The following FIGNL2 variants were observed in gnomAD, a reference collection of about 807,000 sequenced individuals.
FIGNL2 encodes fidgetin like 2.
For synonymous variants in FIGNL2, 565 were observed against 484.0 expected, an observed-to-expected ratio of 1.17 and a Z score of -2.20; for missense variants, 1,060 against 950.2, an observed-to-expected ratio of 1.12 and a Z score of -1.52.
chr12:51,834,412 C>A (rs1448022556), intron 1 of FIGNL2, among the ~76,000 whole-genome samples: 1 of 152,176 alleles, frequency 6.6e-6, no homozygotes, highest in Non-Finnish European at 1.5e-5. Flanking sequence ...TTACCCCCCA[C>A]CCCATTGGGC....
chr12:51,832,722 A>C (rs1419596329), intron 1 of FIGNL2, among the ~76,000 whole-genome samples: 1 of 152,060 alleles, frequency 6.6e-6, no homozygotes, highest in Non-Finnish European at 1.5e-5. Flanking sequence ...TGTTTCCCAA[A>C]CATAGTTCTC....
intron 1 of FIGNL2, chr12:51,847,762 C>T (rs980244598): frequency 4.6e-5 from 45 of 985,268 alleles, no homozygotes; most frequent in East Asian, 2.3e-4. Context: ...CCCTCTGCAG[C>T]GGCGGGGGGG....
chr12:51,820,104 C>T lies in FIGNL2; in HGVS notation c.*348G>A, dbSNP rs1939134161. The T allele has an allele frequency of 6.6e-6, 2 of 304,780 alleles. No homozygotes were observed. The highest frequency in any genetic ancestry group is 1.2e-5 in the Non-Finnish European group (2 of 163,156). The allele number at this position is 304,780 out of a possible 1,614,324, so 18.9% of individuals were successfully genotyped here. On this transcript the variant is annotated 3_prime_UTR_variant, in exon 2 of 2. Coordinates refer to ENST00000618634, the MANE Select transcript of FIGNL2 (RefSeq NM_001384995.1). ...GAGAGAGTGAGGGAGAAGGAGGGTGCCATTCAGATAGCGAGGAGACAAAAG... is the reference window on the plus strand; with the variant it reads ...GAGAGAGTGAGGGAGAAGGAGGGTGTCATTCAGATAGCGAGGAGACAAAAG...
chr12:51,842,627 C>T (rs986781617), intron 1 of FIGNL2, among the ~76,000 whole-genome samples: 1 of 152,112 alleles, frequency 6.6e-6, no homozygotes, highest in African/African-American at 2.4e-5. Context: ...GCCCTTGTCT[C>T]ACTTTGCTTC....
In FIGNL2 at chr12:51,820,845, G is replaced by A. The variant is rs746110401; in HGVS notation, c.1569C>T (p.Gly523=). 1.4e-6 allele frequency: 2 copies of A among 1,456,160 alleles called. No individual in the cohort carries two copies. Among genetic ancestry groups the A allele is most frequent in the South Asian group, 1.3e-5 (1 of 75,624 alleles). 90.2% of individuals were successfully genotyped at this position (1,456,160 alleles called of 1,614,324 possible). ...CAACCAGCACGCCGTCAGCCCCCGC[G>A]CCGCAGCCCCCGTCCAGGCAGGCCA... ...PLLACLDGGC[G]AGADGVLVVG... The change falls in exon 2 of 2, where the codon GGC becomes GGT. Residue 523 remains glycine, a synonymous_variant. Transcript: ENST00000618634.
intron 1 of FIGNL2, 160 bp downstream of exon 1, chr12:51,848,380 G>T: frequency 3.1e-6 from 3 of 981,120 alleles, no homozygotes; most frequent in Non-Finnish European, 3.6e-6. Context: ...AGGGTCTCTC[G>T]CCGGCCCTGC....
At chr12:51,835,264 C>T (rs1394040974) in intron 1 of FIGNL2, 1 of 150,738 alleles carries the variant, frequency 6.6e-6, no homozygotes, top group Non-Finnish European at 1.5e-5. Flanking sequence ...CCACTTCTTT[C>T]CCACTGTGAC....
chr12:51,822,142 C>T lies in FIGNL2; in HGVS notation c.272G>A (p.Gly91Asp). The change falls in exon 2 of 2, where the codon GGC (glycine) becomes GAC (aspartate). Residue 91 changes from glycine to aspartate, a missense_variant. Transcript: ENST00000618634. Reference protein sequence around the residue: ...GGYSDASFLNGAKGDPEPWPG... With the variant: ...GGYSDASFLNDAKGDPEPWPG... Reference sequence around the variant, plus strand: ...CCAGGGCTCGGGATCCCCTTTGGCGCCGTTGAGGAAGGAGGCGTCGCTGTA... The same window carrying T: ...CCAGGGCTCGGGATCCCCTTTGGCGTCGTTGAGGAAGGAGGCGTCGCTGTA... 6.2e-7 allele frequency: 1 copy of T among 1,611,244 alleles called. No individual in the cohort carries two copies. Among genetic ancestry groups the T allele is most frequent in the Non-Finnish European group, 8.5e-7 (1 of 1,178,922 alleles).
At chr12:51,833,402 C>T (rs1939508216) in intron 1 of FIGNL2, among the ~76,000 whole-genome samples, 1 of 152,170 alleles carries the variant, frequency 6.6e-6, no homozygotes, top group Non-Finnish European at 1.5e-5. Flanking sequence ...CTTTTCTTAA[C>T]ACAGTTGCCA....
chr12:51,821,728 G>T lies in FIGNL2; in HGVS notation c.686C>A (p.Pro229His). ...CGCGGGCAGGCCCGGGGTCAGGTAGGGGGCCGGGGGTGGGCCTGGGGGCGG... is the reference window on the plus strand; with the variant it reads ...CGCGGGCAGGCCCGGGGTCAGGTAGTGGGCCGGGGGTGGGCCTGGGGGCGG... ...LPPPPGPPPA[P>H]YLTPGLPAPT... Residue 229 changes from proline to histidine, a missense_variant, in exon 2 of 2, where the codon CCC becomes CAC. By Grantham distance (77) the Pro-to-His change is moderately conservative (BLOSUM62 -2). Transcript: ENST00000618634. 1 of 1,310,276 alleles carries T rather than the reference G, an allele frequency of 7.6e-7. No individual in the cohort carries two copies. The highest frequency in any genetic ancestry group is 9.6e-7 in the Non-Finnish European group (1 of 1,037,142). 81.2% of individuals were successfully genotyped at this position (1,310,276 alleles called of 1,614,324 possible).
intron 1 of FIGNL2, among the ~76,000 whole-genome samples, chr12:51,842,319 C>T (rs1431153397): frequency 6.6e-6 from 1 of 152,164 alleles, no homozygotes; most frequent in Non-Finnish European, 1.5e-5. Flanking sequence ...GGAGTGAGGA[C>T]CCAGCCACTG....
In FIGNL2 at chr12:51,819,368, C is replaced by G. The variant is rs1592182470; in HGVS notation, c.*1084G>C. Reference sequence around the variant, plus strand: ...GCCTCCCTTCTCTCAAACCCCACAGCCCACTCCCCACATTCATGCCTAGGC... The same window carrying G: ...GCCTCCCTTCTCTCAAACCCCACAGGCCACTCCCCACATTCATGCCTAGGC... On this transcript the variant is annotated 3_prime_UTR_variant, in exon 2 of 2. Transcript: ENST00000618634. The G allele has an allele frequency of 6.5e-6, 1 of 152,672 alleles. No individual in the cohort carries two copies. The highest frequency in any genetic ancestry group is 2.4e-5 in the African/African-American group (1 of 41,438). The allele number at this position is 152,672 out of a possible 1,614,324, so 9.5% of individuals were successfully genotyped here.
intron 1 of FIGNL2, among the ~76,000 whole-genome samples, chr12:51,837,491 T>C (rs1237875313): frequency 1.3e-5 from 2 of 152,174 alleles, no homozygotes; most frequent in African/African-American, 4.8e-5. Flanking sequence ...GCAGCCATCT[T>C]TGTCCACCCT....
In FIGNL2 at chr12:51,821,293, G is replaced by A; in HGVS notation, c.1121C>T (p.Ala374Val). 6.6e-7 allele frequency: 1 copy of A among 1,524,072 alleles called. No individual in the cohort carries two copies. The highest frequency in any genetic ancestry group is 8.8e-7 in the Non-Finnish European group (1 of 1,141,390). 94.4% of individuals were successfully genotyped at this position (1,524,072 alleles called of 1,614,324 possible). A position where few individuals can be genotyped will look rare whatever the true frequency, so the allele number is the denominator to read the frequency against. The change falls in exon 2 of 2, where the codon GCC (alanine) becomes GTC (valine). Residue 374 changes from alanine to valine, a missense_variant. Physicochemically the swap from Ala to Val is moderately conservative, Grantham distance 64. Transcript: ENST00000618634. ...CATCTTGCTCGTCACCAGCTCCAGG[G>A]CCCCAGGGTCCACGCCTTTGGGAGT... ...GETPKGVDPG[A>V]LELVTSKMVD... is the part of the protein sequence containing the mutation.
chr12:51,828,500 C>T (rs959800468), intron 1 of FIGNL2: 2 of 152,206 alleles, frequency 1.3e-5, no homozygotes, highest in Non-Finnish European at 2.9e-5. Flanking sequence ...GAAAGAATTA[C>T]GGGATGGAAG....
chr12:51,841,238 TG>T (rs5798187), intron 1 of FIGNL2, among the ~76,000 whole-genome samples: 51,490 of 152,074 alleles, frequency 0.34, 9,636 homozygotes, highest in African/African-American at 0.5. Flanking sequence ...AAAAAGATAC[TG>T]GGGGGAGGGT....
At chr12:51,843,200 C>A (rs999441055) in intron 1 of FIGNL2, among the ~76,000 whole-genome samples, 2 of 152,068 alleles carry the variant, frequency 1.3e-5, no homozygotes, top group African/African-American at 4.8e-5. Context: ...CACCCAGAGC[C>A]TTGCACAGTA....
chr12:51,822,913 G>A (rs1348272735), intron 1 of FIGNL2, among the ~76,000 whole-genome samples: 3 of 152,242 alleles, frequency 2.0e-5, no homozygotes, highest in Non-Finnish European at 4.4e-5. Context: ...GGCCTGCCCA[G>A]AGTCCCTGGC....
chr12:51,820,145 G>A lies in FIGNL2; in HGVS notation c.*307C>T, dbSNP rs879463616. The A allele has an allele frequency of 2.0e-5, 8 of 406,282 alleles. No homozygotes were observed. The highest frequency in any genetic ancestry group is 3.6e-5 in the Non-Finnish European group (8 of 224,872). The allele number at this position is 406,282 out of a possible 1,614,324, so 25.2% of individuals were successfully genotyped here. A position where few individuals can be genotyped will look rare whatever the true frequency, so the allele number is the denominator to read the frequency against. On this transcript the variant is annotated 3_prime_UTR_variant, in exon 2 of 2. Transcript: ENST00000618634. ...GAGACAAAAGCGTTGTGGCAAGAGAGCAGGAGTTCTTAAGGCCCCGGGTGC... is the reference window on the plus strand; with the variant it reads ...GAGACAAAAGCGTTGTGGCAAGAGAACAGGAGTTCTTAAGGCCCCGGGTGC...
Sources: allele counts gnomAD v4.1 joint callset (sites outside exome capture counted in the v4.1 genomes callset), GRCh38; gene constraint gnomAD v4.1.1; transcripts MANE v1.5; gene names NCBI Gene and HGNC (gene_info 2026-07-23, HGNC 2026-07-21).